Variants in TLCD4 observed in about 807,000 individuals in gnomAD.
The protein encoded by TLCD4 is TLC domain-containing protein 4.
Under a neutral mutation model 24.2 loss-of-function variants are expected in TLCD4, and 7 were observed. The ratio of observed to expected loss-of-function variants is 0.29; its 90% CI spans 0.16 to 0.54. The LOEUF (loss-of-function observed/expected upper bound fraction) is 0.54. Ranked by LOEUF, TLCD4 falls within the 20% of genes least tolerant of loss-of-function variation. The probability of loss-of-function intolerance (pLI) is 0.95; values close to 1 mark genes in which losing one functional copy is unlikely to be tolerated. For synonymous variants in TLCD4, 103 were observed against 106.4 expected, an observed-to-expected ratio of 0.97 and a Z score of 0.20; for missense variants, 259 against 313.9, an observed-to-expected ratio of 0.82 and a Z score of 1.32.
At chr1:95,142,594 T>C (rs528957876) in intron 1 of TLCD4, among the ~76,000 whole-genome samples, 1 of 152,258 alleles carries the variant, frequency 6.6e-6, no homozygotes, top group Admixed American at 6.5e-5. Context: ...TTTCTAGGGC[T>C]TAAATACCTG....
At chr1:95,151,782 C>T (rs1430809853) in intron 5 of TLCD4, among the ~76,000 whole-genome samples, 1 of 152,104 alleles carries the variant, frequency 6.6e-6, no homozygotes, top group African/African-American at 2.4e-5. Context: ...TATTTCTTTT[C>T]TGTTTAATTC....
rs1350251390 is a variant in TLCD4 at position 95,192,323 on chromosome 1, A to C, written c.*455A>C. On this transcript the variant is annotated 3_prime_UTR_variant, in exon 7 of 7. Transcript: ENST00000370203. ...CAAAAAAAAAAAAAAGAGAGAAACTAAAATTAAAATTTAGTTTTCATCCCA... is the reference window on the plus strand; with the variant it reads ...CAAAAAAAAAAAAAAGAGAGAAACTCAAATTAAAATTTAGTTTTCATCCCA... 6.6e-6 allele frequency: 1 copy of C among 152,456 alleles called. No individual in the cohort carries two copies. Among genetic ancestry groups the C allele is most frequent in the African/African-American group, 2.4e-5 (1 of 41,394 alleles). The allele number at this position is 152,456 out of a possible 1,614,324, so 9.4% of individuals were successfully genotyped here. A position where few individuals can be genotyped will look rare whatever the true frequency, so the allele number is the denominator to read the frequency against.
the TLCD4 span, among the ~76,000 whole-genome samples, chr1:95,108,942 CTTGT>C: frequency 4.6e-5 from 7 of 152,148 alleles, no homozygotes; most frequent in Admixed American, 6.5e-5. Flanking sequence ...TTCTGGTAAA[CTTGT>C]TTGTTTATTT....
intron 6 of TLCD4, among the ~76,000 whole-genome samples, chr1:95,175,211 A>G (rs1323468308): frequency 6.6e-6 from 1 of 152,250 alleles, no homozygotes; most frequent in East Asian, 1.9e-4. Flanking sequence ...GCTCTCCTGC[A>G]AGTCCTAGAC....
chr1:95,153,405 C>T (rs1186141400), intron 5 of TLCD4, among the ~76,000 whole-genome samples: 1 of 152,042 alleles, frequency 6.6e-6, no homozygotes, highest in Non-Finnish European at 1.5e-5. Flanking sequence ...AATGTTATTA[C>T]ATTTTTAGAA....
intron 5 of TLCD4, among the ~76,000 whole-genome samples, chr1:95,168,831 T>C (rs1016767167): frequency 1.3e-5 from 2 of 152,190 alleles, no homozygotes; most frequent in African/African-American, 4.8e-5. Context: ...TAAGGCTTTA[T>C]GGATATAACA....
chr1:95,158,949 A>G (rs1571752964), intron 5 of TLCD4, among the ~76,000 whole-genome samples: 1 of 152,146 alleles, frequency 6.6e-6, no homozygotes, highest in South Asian at 2.1e-4. Context: ...GCTATTGTGA[A>G]TAGTGCCACA....
chr1:95,156,294 A>G (rs1343506254), intron 5 of TLCD4, among the ~76,000 whole-genome samples: 4 of 152,186 alleles, frequency 2.6e-5, no homozygotes, highest in Non-Finnish European at 5.9e-5. Flanking sequence ...AGGTCAGAAA[A>G]CATTTTGAGG....
chr1:95,159,340 C>T (rs1677717667), intron 5 of TLCD4, among the ~76,000 whole-genome samples: 1 of 152,174 alleles, frequency 6.6e-6, no homozygotes, highest in African/African-American at 2.4e-5. Context: ...CCTTTGGCCA[C>T]TTTTTGATTG....
intron 5 of TLCD4, among the ~76,000 whole-genome samples, chr1:95,159,481 T>C (rs145489773): frequency 0.078 from 11,890 of 152,310 alleles, 626 homozygotes; most frequent in South Asian, 0.1. Context: ...ATGGAGTTTC[T>C]TTTGCTGTGC....
chr1:95,193,913 A>G lies in TLCD4; in HGVS notation c.*2045A>G, dbSNP rs1309011297. The G allele has an allele frequency of 1.3e-5, 2 of 152,068 alleles. No homozygotes were observed. Among genetic ancestry groups the G allele is most frequent in the African/African-American group, 4.8e-5 (2 of 41,446 alleles). The allele number at this position is 152,068 out of a possible 1,614,324, so 9.4% of individuals were successfully genotyped here. On this transcript the variant is annotated 3_prime_UTR_variant, in exon 7 of 7. Transcript: ENST00000370203. ...GAAAAGTGGCTTTAAAAAAATTTAT[A>G]TAATAAAACTATTTTGGAAATTCAT...
chr1:95,106,332 A>T, the TLCD4 span, among the ~76,000 whole-genome samples: 1 of 152,234 alleles, frequency 6.6e-6, no homozygotes, highest in Non-Finnish European at 1.5e-5. Context: ...CTGAGACTTT[A>T]AACATAATTT....
chr1:95,118,001 G>T (rs1177433750), intron 1 of TLCD4: 2 of 152,264 alleles, frequency 1.3e-5, no homozygotes, highest in Non-Finnish European at 2.9e-5. Flanking sequence ...TGCCTCTCGG[G>T]TCTGAGCTTA....
chr1:95,159,845 G>T (rs1414666664), intron 5 of TLCD4, among the ~76,000 whole-genome samples: 3 of 152,114 alleles, frequency 2.0e-5, no homozygotes, highest in African/African-American at 7.2e-5. Context: ...TGAGGCCCCT[G>T]CTCTGTTCCA....
At chr1:95,175,047 G>T (rs1678374665) in intron 6 of TLCD4, among the ~76,000 whole-genome samples, 1 of 152,110 alleles carries the variant, frequency 6.6e-6, no homozygotes, top group Admixed American at 6.6e-5. Context: ...AAGTGCTGGG[G>T]TTACAGGCAT....
chr1:95,110,626 C>T, the TLCD4 span, among the ~76,000 whole-genome samples: 2 of 151,860 alleles, frequency 1.3e-5, no homozygotes, highest in African/African-American at 4.8e-5. Flanking sequence ...CGGTGGCTCA[C>T]GCCTGTAATC....
intron 1 of TLCD4, among the ~76,000 whole-genome samples, chr1:95,136,692 G>A (rs1677051881): frequency 2.0e-5 from 3 of 152,058 alleles, no homozygotes; most frequent in Non-Finnish European, 1.5e-5. Context: ...TTTTTCATAA[G>A]GCTATCATGA....
At chr1:95,116,788 T>A (rs556888431), upstream of TLCD4, among the ~76,000 whole-genome samples, 1 of 152,172 alleles carries the variant, frequency 6.6e-6, no homozygotes, top group Non-Finnish European at 1.5e-5. Flanking sequence ...GTAGGTGTAG[T>A]GCTGGTGCAC....
the TLCD4 span, among the ~76,000 whole-genome samples, chr1:95,106,437 A>G: frequency 0.51 from 77,643 of 151,954 alleles, 21,303 homozygotes; most frequent in Non-Finnish European, 0.6. Flanking sequence ...GTGGTGGCTC[A>G]CGCCTGTAAT....
Sources: allele counts gnomAD v4.1 joint callset (sites outside exome capture counted in the v4.1 genomes callset), GRCh38; gene constraint gnomAD v4.1.1; transcripts MANE v1.5; gene names NCBI Gene and HGNC (gene_info 2026-07-23, HGNC 2026-07-21).